The following SYT9 variants were observed in gnomAD, a reference collection of about 807,000 sequenced individuals.
The protein encoded by SYT9 is synaptotagmin 9, also known as synaptotagmin-9.
Under a neutral mutation model 48.4 loss-of-function variants are expected in SYT9, and 22 were observed. That is an observed-to-expected ratio of 0.45 (90% CI 0.32 to 0.65). The LOEUF (loss-of-function observed/expected upper bound fraction) is 0.65. Among genes scored for constraint, SYT9 ranks in the 30% least tolerant of loss-of-function variants. The pLI is 0.03. For missense variants in SYT9, 577 were observed against 622.0 expected (o/e 0.93, Z 0.77); for synonymous variants, 265 against 245.0 (o/e 1.08, Z -0.76).
At chr11:7,329,504 C>T (rs1342284261) in intron 3 of SYT9, among the ~76,000 whole-genome samples, 2 of 152,100 alleles carry the variant, frequency 1.3e-5, no homozygotes, top group Non-Finnish European at 1.5e-5. Context: ...CTCGACGTCA[C>T]TTCTGCATTT....
chr11:7,332,590 A>G (rs1200100458), intron 3 of SYT9, among the ~76,000 whole-genome samples: 1 of 152,080 alleles, frequency 6.6e-6, no homozygotes, highest in African/African-American at 2.4e-5. Flanking sequence ...TCTTCCCCTC[A>G]CCTCCCACCC....
intron 3 of SYT9, among the ~76,000 whole-genome samples, chr11:7,337,966 A>G (rs12576318): frequency 0.047 from 7,089 of 152,220 alleles, 300 homozygotes; most frequent in African/African-American, 0.11. Context: ...ATCTGGTAGA[A>G]TTCGGCTATG....
intron 1 of SYT9, among the ~76,000 whole-genome samples, chr11:7,285,042 G>A (rs556200918): frequency 3.7e-4 from 57 of 152,098 alleles, no homozygotes; most frequent in Non-Finnish European, 6.5e-4. Context: ...CAAAAACTCA[G>A]CATGAGTTTA....
At chr11:7,250,397 T>C (rs1319970500), upstream of SYT9, among the ~76,000 whole-genome samples, 1 of 152,104 alleles carries the variant, frequency 6.6e-6, no homozygotes, top group Non-Finnish European at 1.5e-5. Context: ...GGGTAATATT[T>C]CCATGTGCTT....
In SYT9 at chr11:7,453,220, C is replaced by T. The variant is rs1848090855; in HGVS notation, c.1468-13572C>T. 1.3e-5 allele frequency among the ~76,000 whole-genome samples: 2 copies of T among 152,122 alleles called. 1 individual carries two copies. Among genetic ancestry groups the T allele is most frequent in the South Asian group, 4.1e-4 (2 of 4,824 alleles). On this transcript the variant is annotated intron_variant, in intron 6 of 6. Transcript: ENST00000318881. ...AGCCTGGGAGACATACTGAGACCTC[C>T]GTCTTTACAAATATAACAAAAATTA...
At chr11:7,454,331 G>T (rs142361236) in intron 6 of SYT9, 12 of 982,202 alleles carry the variant, frequency 1.2e-5, no homozygotes. Context: ...TACCATTTCC[G>T]CTCTCTGCTG....
intron 3 of SYT9, among the ~76,000 whole-genome samples, chr11:7,359,719 TTG>T: frequency 8.4e-6 from 1 of 119,128 alleles, no homozygotes. Flanking sequence ...TCTTGTAAAT[TTG>T]TTTGAGTTCA....
chr11:7,249,016 A>G (rs1847827136), upstream of SYT9, among the ~76,000 whole-genome samples: 4 of 152,322 alleles, frequency 2.6e-5, no homozygotes, highest in South Asian at 8.3e-4. Flanking sequence ...TAGAGAACCC[A>G]GAAATAAACC....
intron 1 of SYT9, among the ~76,000 whole-genome samples, chr11:7,279,083 A>C (rs113690235): frequency 6.6e-6 from 1 of 152,198 alleles, no homozygotes; most frequent in Non-Finnish European, 1.5e-5. Flanking sequence ...GGCAGGAGCA[A>C]TGCCAGCAGA....
upstream of SYT9, among the ~76,000 whole-genome samples, chr11:7,251,128 A>ACACACACACACACC (rs1285794428): frequency 1.6e-5 from 2 of 126,482 alleles, no homozygotes; most frequent in East Asian, 3.9e-4. Flanking sequence ...ACACACACAC[A>ACACACACACACACC]CACACCCAGA....
At chr11:7,243,734 AG>A (rs1847764333) in intron 1 of SYT9, among the ~76,000 whole-genome samples, 1 of 152,156 alleles carries the variant, frequency 6.6e-6, no homozygotes, top group Non-Finnish European at 1.5e-5. Context: ...CAATGAGGAA[AG>A]GGGTTGGTTC....
At chr11:7,245,339 T>C (rs565675638) in intron 1 of SYT9, among the ~76,000 whole-genome samples, 123 of 152,332 alleles carry the variant, frequency 8.1e-4, no homozygotes, top group Non-Finnish European at 1.6e-3. Context: ...TGATTAGTTA[T>C]AATCATTAAT....
chr11:7,451,012 T>A (rs1044436824), intron 6 of SYT9, among the ~76,000 whole-genome samples: 1 of 152,266 alleles, frequency 6.6e-6, no homozygotes, highest in Non-Finnish European at 1.5e-5. Flanking sequence ...TTAGAATTTT[T>A]AAGAAAATTC....
intron 3 of SYT9, among the ~76,000 whole-genome samples, chr11:7,351,998 G>A (rs958174562): frequency 6.6e-6 from 1 of 152,212 alleles, no homozygotes; most frequent in Non-Finnish European, 1.5e-5. Context: ...GGGACCAACA[G>A]ACCTTCCTTT....
In SYT9 at chr11:7,258,490, C is replaced by G. The variant is rs898824021; in HGVS notation, c.145+6159C>G. ...CAGGCTTTGCAGATCTCTTTGAAAT[C>G]TTCATATGGCCTTGCACATGTATTT... On this transcript the variant is annotated intron_variant, in intron 1 of 6. Transcript: ENST00000318881. 1.3e-4 allele frequency among the ~76,000 whole-genome samples: 20 copies of G among 152,150 alleles called. No individual in the cohort carries two copies. The East Asian group carries it at 3.7e-3, about 28-fold the overall frequency.
intron 1 of SYT9, among the ~76,000 whole-genome samples, chr11:7,287,803 G>A (rs2133913759): frequency 6.6e-6 from 1 of 152,198 alleles, no homozygotes; most frequent in South Asian, 2.1e-4. Context: ...TGAGATAATG[G>A]CTCTCTTCTA....
chr11:7,386,745 C>A (rs1850668228), intron 3 of SYT9, among the ~76,000 whole-genome samples: 1 of 152,178 alleles, frequency 6.6e-6, no homozygotes, highest in African/African-American at 2.4e-5. Flanking sequence ...TGTGGCGATT[C>A]CTTAGGGATC....
At chr11:7,459,148 G>A (rs190510062) in intron 6 of SYT9, among the ~76,000 whole-genome samples, 105 of 152,374 alleles carry the variant, frequency 6.9e-4, no homozygotes, top group Middle Eastern at 3.4e-3. Context: ...ACCGTGGAAA[G>A]ATAGAGCTGC....
chr11:7,343,789 A>T (rs558822116), intron 3 of SYT9, among the ~76,000 whole-genome samples: 17 of 152,310 alleles, frequency 1.1e-4, no homozygotes, highest in African/African-American at 3.8e-4. Flanking sequence ...GTAATTCATA[A>T]AGAAAAAGAG....
Sources: allele counts gnomAD v4.1 joint callset (sites outside exome capture counted in the v4.1 genomes callset), GRCh38; gene constraint gnomAD v4.1.1; transcripts MANE v1.5; gene names NCBI Gene and HGNC (gene_info 2026-07-23, HGNC 2026-07-21).